The following ANKRD36 variants were observed in gnomAD, a reference collection of about 807,000 sequenced individuals.
ANKRD36 encodes ankyrin repeat domain-containing protein 36A.
In ANKRD36, 179 loss-of-function variants were observed where a neutral mutation model predicts 278.1. That is an observed-to-expected ratio of 0.64 (90% CI 0.57 to 0.73). The LOEUF (loss-of-function observed/expected upper bound fraction) is 0.73. ANKRD36 is among the 30% of genes least tolerant of loss of function. The probability of loss-of-function intolerance (pLI) is 0.00; values close to 1 mark genes in which losing one functional copy is unlikely to be tolerated. For missense variants in ANKRD36, 1,159 were observed against 1,956.7 expected (o/e 0.59, Z 7.69); for synonymous variants, 320 against 641.1 (o/e 0.50, Z 7.57).
intron 56 of ANKRD36, among the ~76,000 whole-genome samples, chr2:97,211,329 G>A (rs1290683974): frequency 6.6e-6 from 1 of 151,884 alleles, no homozygotes. Context: ...ACAAATCATA[G>A]CATCTTTGAA....
intron 48 of ANKRD36, among the ~76,000 whole-genome samples, chr2:97,203,684 A>T (rs1192974434): frequency 1.3e-5 from 2 of 151,784 alleles, no homozygotes; most frequent in African/African-American, 4.8e-5. Flanking sequence ...AATCCTTTTT[A>T]TTTCCTGTAT....
chr2:97,258,945 A>AAT (rs1275827757), intron 75 of ANKRD36, among the ~76,000 whole-genome samples: 3 of 144,650 alleles, frequency 2.1e-5, no homozygotes, highest in African/African-American at 7.3e-5. Flanking sequence ...TATTTCATTA[A>AAT]ATATGCTTGC....
chr2:97,190,341 C>A (rs1360071977), intron 34 of ANKRD36, among the ~76,000 whole-genome samples: 1 of 88,998 alleles, frequency 1.1e-5, no homozygotes, highest in Admixed American at 1.0e-4. Context: ...AAGAAACTTT[C>A]GGAGGGATAA....
In ANKRD36 at chr2:97,216,912, T is replaced by C; in HGVS notation, c.3674-265T>C. ...GTCCTCATCACTCAGCATATCCACG[T>C]TGATATTGACACGGTTTTATTTTAG... On this transcript the variant is annotated intron_variant, in intron 62 of 75. Coordinates refer to ENST00000420699, the MANE Select transcript of ANKRD36 (RefSeq NM_001354587.1). 4 of 835,136 alleles carry C rather than the reference T, an allele frequency of 4.8e-6. No homozygotes were observed. The South Asian group carries it at 5.0e-5, about 10-fold the overall frequency. 51.7% of individuals were successfully genotyped at this position (835,136 alleles called of 1,614,324 possible). A position where few individuals can be genotyped will look rare whatever the true frequency, so the allele number is the denominator to read the frequency against.
At chr2:97,223,066 C>T (rs2068216624) in intron 66 of ANKRD36, among the ~76,000 whole-genome samples, 1 of 147,166 alleles carries the variant, frequency 6.8e-6, no homozygotes, top group Non-Finnish European at 1.5e-5. Flanking sequence ...TCATTTTTGA[C>T]AATTATTTAC....
chr2:97,260,388 A>ACACG (rs1424398282), intron 75 of ANKRD36, among the ~76,000 whole-genome samples: 2 of 133,380 alleles, frequency 1.5e-5, no homozygotes, highest in African/African-American at 5.6e-5. Flanking sequence ...ATACACACAT[A>ACACG]TATACATACA....
At chr2:97,195,832 C>A (rs1222869255) in intron 40 of ANKRD36, among the ~76,000 whole-genome samples, 1 of 151,882 alleles carries the variant, frequency 6.6e-6, no homozygotes, top group Non-Finnish European at 1.5e-5. Context: ...GAATGTAAAA[C>A]TTATTATTAT....
chr2:97,218,668 T>C (rs1365397414), intron 64 of ANKRD36, among the ~76,000 whole-genome samples: 1 of 152,114 alleles, frequency 6.6e-6, no homozygotes, highest in Admixed American at 6.6e-5. Flanking sequence ...AGCCTTCTGA[T>C]GTCTTGTATG....
chr2:97,216,136 A>C (rs1393372269), intron 62 of ANKRD36, among the ~76,000 whole-genome samples: 6 of 152,088 alleles, frequency 3.9e-5, no homozygotes, highest in South Asian at 4.2e-4. Context: ...ATTGGGATAA[A>C]GCACACTGAC....
At chr2:97,206,614 AAAG>A (rs1238001757) in intron 52 of ANKRD36, among the ~76,000 whole-genome samples, 10 of 151,444 alleles carry the variant, frequency 6.6e-5, no homozygotes, top group African/African-American at 2.4e-4. Context: ...GAAGGTGTGA[AAAG>A]AAGAAGTCAT....
At chr2:97,165,891 G>T (rs1268347690) in intron 20 of ANKRD36, among the ~76,000 whole-genome samples, 1 of 152,292 alleles carries the variant, frequency 6.6e-6, no homozygotes, top group African/African-American at 2.4e-5. Flanking sequence ...ATACCAGCAA[G>T]CAGTGTTGTC....
chr2:97,202,157 G>A, intron 46 of ANKRD36, 45 bp from the exon 47 acceptor site: 6 of 1,606,240 alleles, frequency 3.7e-6, no homozygotes, highest in Non-Finnish European at 5.1e-6. Flanking sequence ...GGAAATCTTT[G>A]TCATATTTAC....
chr2:97,120,262 C>G (rs550274152), intron 3 of ANKRD36, among the ~76,000 whole-genome samples: 2 of 60,676 alleles, frequency 3.3e-5, no homozygotes, highest in African/African-American at 8.5e-5. Context: ...GCAAAAAATT[C>G]TAAACCTTTT....
chr2:97,117,262 A>G (rs1288479288), intron 1 of ANKRD36, among the ~76,000 whole-genome samples: 1 of 151,692 alleles, frequency 6.6e-6, no homozygotes, highest in African/African-American at 2.4e-5. Flanking sequence ...TTTTTTTTAA[A>G]TTGAAGTGAG....
rs1413183300 is a variant in ANKRD36 at position 97,217,197 on chromosome 2, G to A, written c.3694G>A (p.Ala1232Thr). 2.6e-6 allele frequency: 4 copies of A among 1,553,080 alleles called. No homozygotes were observed. Among genetic ancestry groups the A allele is most frequent in the East Asian group, 4.9e-5 (2 of 40,464 alleles). ...RGTVSPQKQSAQKVIFKKKVS... is the reference protein window; with the variant it reads ...RGTVSPQKQSTQKVIFKKKVS... ...TTCAGTGTCTCCTCAGAAACAATCG[G>A]CCCAGAAGGTAGTTACTCTTTCATT... The change falls in exon 63 of 76, where the codon GCC becomes ACC. Residue 1232 changes from alanine (A) to threonine (T), a missense_variant. Ala to Thr is a moderately conservative substitution (Grantham distance 58). Coordinates refer to ENST00000420699, the MANE Select transcript of ANKRD36 (RefSeq NM_001354587.1).
chr2:97,123,142 A>C, intron 4 of ANKRD36, 149 bp downstream of exon 4: 1 of 659,438 alleles, frequency 1.5e-6, no homozygotes, highest in Non-Finnish European at 2.4e-6. Flanking sequence ...ATCATCACTT[A>C]GGTAGGAAAA....
chr2:97,205,977 A>AG lies in ANKRD36; in HGVS notation c.3090+9_3090+10insG. On this transcript the variant is annotated intron_variant, in intron 51 of 75. Coordinates refer to ENST00000420699, the MANE Select transcript of ANKRD36 (RefSeq NM_001354587.1). ...AACCACCAACCTTGAAGGTAATGAA[A>AG]CTCCCATTTATATTGTGAACGAGTT... 1.3e-6 allele frequency: 2 copies of AG among 1,553,612 alleles called. No individual in the cohort carries two copies. The highest frequency in any genetic ancestry group is 1.7e-6 in the Non-Finnish European group (2 of 1,153,422).
chr2:97,121,354 T>C (rs1559208648), intron 3 of ANKRD36, among the ~76,000 whole-genome samples: 1 of 152,016 alleles, frequency 6.6e-6, no homozygotes, highest in African/African-American at 2.4e-5. Flanking sequence ...AAAATGCAAG[T>C]AATTGGCCGA....
rs1283040935 is a variant in ANKRD36, at chr2:97,122,993, G to A, written c.593G>A (p.Arg198Lys). Residue 198 changes from arginine (R) to lysine (K), a missense_variant and splice_region_variant, in exon 4 of 76, where the codon AGA becomes AAA. Coordinates refer to ENST00000420699, the MANE Select transcript of ANKRD36 (RefSeq NM_001354587.1). ...GTAAATGCCATTGATTATCTTGGCA[G>A]GTACAGACCTTAGTTCTTATTGTGT... ...ANVNAIDYLG[R>K]SALIHAVTLG... is the part of the protein sequence containing the mutation. 1 of 1,534,498 alleles carries A rather than the reference G, an allele frequency of 6.5e-7. No homozygotes were observed. The highest frequency in any genetic ancestry group is 8.8e-7 in the Non-Finnish European group (1 of 1,137,482).
Sources: allele counts gnomAD v4.1 joint callset (sites outside exome capture counted in the v4.1 genomes callset), GRCh38; gene constraint gnomAD v4.1.1; transcripts MANE v1.5; gene names NCBI Gene and HGNC (gene_info 2026-07-23, HGNC 2026-07-21).